Variants in KREMEN1 observed in about 807,000 individuals in gnomAD.
The protein encoded by KREMEN1 is kringle containing transmembrane protein 1.
Under a neutral mutation model 46.5 loss-of-function variants are expected in KREMEN1, and 30 were observed. The observed-to-expected ratio is 0.65, with a 90% CI of 0.48 to 0.88. The LOEUF (loss-of-function observed/expected upper bound fraction) is 0.88, where lower values mean the gene tolerates loss of function less well. KREMEN1 is among the 40% of genes least tolerant of loss of function. The pLI is 0.00. For synonymous variants in KREMEN1, 214 were observed against 230.6 expected (o/e 0.93, Z 0.65); for missense variants, 533 against 596.9 (o/e 0.89, Z 1.11).
chr22:29,074,930 A>G (rs1200995468), intron 1 of KREMEN1, among the ~76,000 whole-genome samples: 1 of 152,232 alleles, frequency 6.6e-6, no homozygotes, highest in East Asian at 1.9e-4. Flanking sequence ...ACATATTTTA[A>G]TAATACTTTT....
At chr22:29,155,704 A>G (rs1339476480) in intron 9 of KREMEN1, among the ~76,000 whole-genome samples, 2 of 152,168 alleles carry the variant, frequency 1.3e-5, no homozygotes, top group Non-Finnish European at 2.9e-5. Flanking sequence ...CACACCTGTA[A>G]TTCCAGCACT....
chr22:29,136,181 CA>C, intron 5 of KREMEN1, among the ~76,000 whole-genome samples: 1 of 151,968 alleles, frequency 6.6e-6, no homozygotes. Context: ...CTTGGCCTCC[CA>C]AAGTGCTGGG....
In KREMEN1 at chr22:29,118,212, T is replaced by G. The variant is rs558836015; in HGVS notation, c.353-3145T>G. The stretch of plus-strand genomic sequence containing the variant: ...TCTGACATGGCATATTGCTTCATTA[T>G]TGCTTCACAGAAATATGCAAAGCGA... On this transcript the variant is annotated intron_variant, in intron 3 of 8. Transcript: ENST00000400335. 4.6e-5 allele frequency among the ~76,000 whole-genome samples: 7 copies of G among 152,376 alleles called. No homozygotes were observed. In the South Asian group the frequency reaches 1.4e-3, roughly 32 times the overall value.
intron 3 of KREMEN1, among the ~76,000 whole-genome samples, chr22:29,103,676 T>A (rs1030573924): frequency 5.3e-5 from 8 of 152,230 alleles, no homozygotes; most frequent in Admixed American, 5.2e-4. Context: ...TATTGAGAGC[T>A]ATTTTTTGTT....
Position 29,142,092 on chromosome 22 carries a change from A to T in KREMEN1, c.1357A>T (p.Asn453Tyr). Residue 453 changes from asparagine (N) to tyrosine (Y), a missense_variant, in exon 9 of 9, where the codon AAT becomes TAT. Transcript: ENST00000400335. Reference sequence around the variant, plus strand: ...GGGTCAGAGTCAACAAGATGACCGCAATCCCCTTGTGAGTGACTAAAAACC... The same window carrying T: ...GGGTCAGAGTCAACAAGATGACCGCTATCCCCTTGTGAGTGACTAAAAACC... Reference protein sequence around the residue: ...LKGQSQQDDRNPLVSD With the variant: ...LKGQSQQDDRYPLVSD 6.2e-7 allele frequency: 1 copy of T among 1,608,942 alleles called. No homozygotes were observed. The highest frequency in any genetic ancestry group is 8.5e-7 in the Non-Finnish European group (1 of 1,177,596).
chr22:29,144,074 C>A lies in KREMEN1; in HGVS notation c.*1962C>A. The A allele has an allele frequency of 2.0e-6, 2 of 985,554 alleles. No individual in the cohort carries two copies. Among genetic ancestry groups the A allele is most frequent in the South Asian group, 9.4e-5 (2 of 21,296 alleles). The allele number at this position is 985,554 out of a possible 1,614,324, so 61.1% of individuals were successfully genotyped here. The stretch of plus-strand genomic sequence containing the variant: ...AGCAGCTGAGAAAAGCAGCCTGTGC[C>A]TCTGCTGGCCAGGCCTAGGCCCTCG... On this transcript the variant is annotated 3_prime_UTR_variant, in exon 9 of 9. Coordinates refer to ENST00000400335, the MANE Select transcript of KREMEN1 (RefSeq NM_001039570.3).
intron 1 of KREMEN1, among the ~76,000 whole-genome samples, chr22:29,081,096 G>T (rs1034160586): frequency 6.6e-5 from 10 of 151,716 alleles, no homozygotes; most frequent in African/African-American, 2.4e-4. Context: ...CCATTAACTT[G>T]TCATTTAACA....
At chr22:29,113,884 CT>C (rs907485879) in intron 3 of KREMEN1, among the ~76,000 whole-genome samples, 5 of 152,172 alleles carry the variant, frequency 3.3e-5, no homozygotes, top group African/African-American at 1.2e-4. Flanking sequence ...AAGCTCCACA[CT>C]TTTGTTCTAA....
Position 29,144,044 on chromosome 22 carries a change from T to C in KREMEN1, c.*1932T>C. ...CCTTGCCATCTGGAATCAGGCTTTG[T>C]CAACAGCAGCTGAGAAAAGCAGCCT... On this transcript the variant is annotated 3_prime_UTR_variant, in exon 9 of 9. Coordinates refer to ENST00000400335, the MANE Select transcript of KREMEN1 (RefSeq NM_001039570.3). 1.0e-6 allele frequency: 1 copy of C among 985,556 alleles called. No homozygotes were observed. Among genetic ancestry groups the C allele is most frequent in the Non-Finnish European group, 1.2e-6 (1 of 830,004 alleles). 61.1% of individuals were successfully genotyped at this position (985,556 alleles called of 1,614,324 possible). A position where few individuals can be genotyped will look rare whatever the true frequency, so the allele number is the denominator to read the frequency against.
At chr22:29,109,674 A>G (rs1569321630) in intron 3 of KREMEN1, among the ~76,000 whole-genome samples, 1 of 152,218 alleles carries the variant, frequency 6.6e-6, no homozygotes, top group Non-Finnish European at 1.5e-5. Context: ...TGGGACTGAT[A>G]TGCTGAAAGC....
chr22:29,119,128 G>A (rs1053765449), intron 3 of KREMEN1, among the ~76,000 whole-genome samples: 1 of 152,070 alleles, frequency 6.6e-6, no homozygotes, highest in Admixed American at 6.5e-5. Flanking sequence ...CAGGAGGATC[G>A]CTTGAGCCTA....
Position 29,115,439 on chromosome 22 carries a change from A to T in KREMEN1, c.353-5918A>T, listed in dbSNP as rs551798408. Among the ~76,000 whole-genome samples the T allele has an allele frequency of 7.5e-4, 75 of 99,484 alleles. 5 individuals carry two copies. The East Asian group carries it at 0.016, about 21-fold the overall frequency. 65.3% of individuals were successfully genotyped at this position (99,484 alleles called of 152,430 possible). A position where few individuals can be genotyped will look rare whatever the true frequency, so the allele number is the denominator to read the frequency against. On this transcript the variant is annotated intron_variant, in intron 3 of 8. Transcript: ENST00000400335. ...TTCCCCAAGAACCTATGGAAATAAA[A>T]AAAAAAAAAACCAGAAGTACCATTA...
intron 9 of KREMEN1, among the ~76,000 whole-genome samples, chr22:29,156,833 C>T (rs1048172296): frequency 1.1e-4 from 16 of 152,336 alleles, no homozygotes; most frequent in African/African-American, 3.8e-4. Context: ...ACTCTACATA[C>T]GGTGCCTTAT....
intron 1 of KREMEN1, among the ~76,000 whole-genome samples, chr22:29,088,352 G>T (rs2037760563): frequency 6.6e-6 from 1 of 151,542 alleles, no homozygotes; most frequent in Non-Finnish European, 1.5e-5. Context: ...TTTTGAGATG[G>T]GGTTCCCGCT....
chr22:29,166,009 A>C (rs551486640), intron 9 of KREMEN1, among the ~76,000 whole-genome samples: 48 of 152,280 alleles, frequency 3.2e-4, no homozygotes, highest in Admixed American at 2.9e-3. Flanking sequence ...GACTGGGTCA[A>C]ATTTGCTGGA....
chr22:29,137,285 A>C, intron 5 of KREMEN1, 57 bp from the exon 6 acceptor site: 2 of 1,247,150 alleles, frequency 1.6e-6, no homozygotes, highest in Non-Finnish European at 2.1e-6. Flanking sequence ...TGGTGTTGGA[A>C]GCGCGCCTGT....
chr22:29,084,024 G>T (rs2037696078), intron 1 of KREMEN1, among the ~76,000 whole-genome samples: 1 of 152,168 alleles, frequency 6.6e-6, no homozygotes, highest in Admixed American at 6.5e-5. Context: ...TTTCCGGGAA[G>T]GGGGTGAGGA....
chr22:29,094,709 C>T (rs1174710284), intron 2 of KREMEN1, among the ~76,000 whole-genome samples: 1 of 151,178 alleles, frequency 6.6e-6, no homozygotes, highest in Non-Finnish European at 1.5e-5. Flanking sequence ...CTGCAAGCTC[C>T]GCCTCCCGGG....
At chr22:29,154,012 T>A (rs2038940403) in intron 9 of KREMEN1, among the ~76,000 whole-genome samples, 1 of 151,500 alleles carries the variant, frequency 6.6e-6, no homozygotes, top group Admixed American at 6.6e-5. Context: ...CAGTAGTTTC[T>A]CATAGGGTTG....
Sources: gnomAD v4.1 joint callset for allele counts (sites outside exome capture counted in the v4.1 genomes callset) on GRCh38, gnomAD v4.1.1 for gene constraint, MANE v1.5 for transcripts, NCBI Gene and HGNC (gene_info 2026-07-23, HGNC 2026-07-21) for gene names.